The following HSPA12A variants were observed in gnomAD, a reference collection of about 807,000 sequenced individuals.
The protein encoded by HSPA12A is heat shock 70 kDa protein 12A.
In HSPA12A, 28 loss-of-function variants were observed where a neutral mutation model predicts 69.2. That is an observed-to-expected ratio of 0.40 (90% CI 0.30 to 0.55). The LOEUF (loss-of-function observed/expected upper bound fraction) is 0.55, where lower values mean the gene tolerates loss of function less well. Among genes scored for constraint, HSPA12A ranks in the 20% least tolerant of loss-of-function variants. The pLI, the probability that HSPA12A is intolerant of heterozygous loss-of-function variation, is 0.38. For synonymous variants in HSPA12A, 345 were observed against 370.5 expected (o/e 0.93, Z 0.79); for missense variants, 686 against 900.7 (o/e 0.76, Z 3.05).
chr10:116,751,049 TGAGAGG>T (rs1554888304), intron 2 of HSPA12A: 1 of 142,740 alleles, frequency 7.0e-6, no homozygotes, highest in African/African-American at 2.7e-5. Flanking sequence ...AGAAGAAAAA[TGAGAGG>T]AAGAGGAAGA....
chr10:116,807,189 G>A lies in HSPA12A; in HGVS notation c.91+27746C>T, dbSNP rs535357863. 4.3e-4 allele frequency among the ~76,000 whole-genome samples: 66 copies of A among 152,106 alleles called. 1 individual carries two copies. In the South Asian group the frequency reaches 0.012, roughly 27 times the overall value. On this transcript the variant is annotated intron_variant, in intron 2 of 12. Coordinates refer to the HSPA12A transcript ENST00000635765. ...ACAACCAGGGGCTCTTTGACTTCTCGGTGGGCTCAGCCAGTGCAGGGCCTA... is the reference window on the plus strand; with the variant it reads ...ACAACCAGGGGCTCTTTGACTTCTCAGTGGGCTCAGCCAGTGCAGGGCCTA...
At chr10:116,728,536 G>T (rs1157152359) in intron 1 of HSPA12A, among the ~76,000 whole-genome samples, 1 of 152,310 alleles carries the variant, frequency 6.6e-6, no homozygotes, top group East Asian at 1.9e-4. Context: ...ACGAATGTAG[G>T]CTTCAAGCAT....
intron 6 of HSPA12A, among the ~76,000 whole-genome samples, chr10:116,692,109 G>A (rs1053332490): frequency 1.3e-5 from 2 of 152,210 alleles, no homozygotes; most frequent in African/African-American, 2.4e-5. Flanking sequence ...AATGTAGAAA[G>A]CCAGGAAGGA....
rs1313143830 is a variant in HSPA12A at position 116,672,504 on chromosome 10, CTCTG to C, written c.*2273_*2276del. ...TTCAGTGTGTTTGGACCCTAGGCACCTCTGTCTATTGCTCGGTCTTGCGTACATA... is the reference window on the plus strand; with the variant it reads ...TTCAGTGTGTTTGGACCCTAGGCACCTCTATTGCTCGGTCTTGCGTACATA... On this transcript the variant is annotated 3_prime_UTR_variant, in exon 12 of 12. Coordinates refer to ENST00000369209, the MANE Select transcript of HSPA12A (RefSeq NM_025015.3). 1.3e-5 allele frequency: 2 copies of C among 152,282 alleles called. No homozygotes were observed. Among genetic ancestry groups the C allele is most frequent in the Non-Finnish European group, 2.9e-5 (2 of 68,052 alleles). 9.4% of individuals were successfully genotyped at this position (152,282 alleles called of 1,614,324 possible). A position where few individuals can be genotyped will look rare whatever the true frequency, so the allele number is the denominator to read the frequency against.
At chr10:116,745,222 G>A (rs1638413), upstream of HSPA12A, among the ~76,000 whole-genome samples, 55,314 of 152,136 alleles carry the variant, frequency 0.36, 10,267 homozygotes, top group Middle Eastern at 0.47. Flanking sequence ...CCTGGTACAT[G>A]GCAGGCACTT....
At chr10:116,757,254 G>T (rs1450692569) in intron 2 of HSPA12A, among the ~76,000 whole-genome samples, 1 of 152,184 alleles carries the variant, frequency 6.6e-6, no homozygotes, top group Non-Finnish European at 1.5e-5. Flanking sequence ...GAATTGGCAC[G>T]TTAGTGTTAC....
chr10:116,690,616 C>T (rs972694151), intron 6 of HSPA12A, among the ~76,000 whole-genome samples: 1 of 152,132 alleles, frequency 6.6e-6, no homozygotes, highest in Non-Finnish European at 1.5e-5. Context: ...CACATCTGTC[C>T]TCACCCAAGA....
intron 1 of HSPA12A, among the ~76,000 whole-genome samples, chr10:116,741,396 TGCGTCCCG>T (rs1851500368): frequency 6.6e-6 from 1 of 152,262 alleles, no homozygotes. Flanking sequence ...GAATCTCCCT[TGCGTCCCG>T]GCATTTTAAT....
intron 2 of HSPA12A, chr10:116,833,067 G>C (rs929110918): frequency 6.6e-6 from 1 of 152,186 alleles, no homozygotes; most frequent in Middle Eastern, 3.2e-3. Context: ...GATTGGGTCT[G>C]AGATTTTCAT....
At chr10:116,835,161 C>T in intron 1 of HSPA12A, 1 of 395,120 alleles carries the variant, frequency 2.5e-6, no homozygotes, top group Non-Finnish European at 4.2e-6. Flanking sequence ...TAGGTGGGCG[C>T]AGAGGAGCTG....
At position 116,808,649 on chromosome 10, in the gene HSPA12A, C is replaced by G. The variant is rs1845115285; in HGVS notation, c.91+26286G>C. Among the ~76,000 whole-genome samples, 2 of 152,166 alleles carry G rather than the reference C, an allele frequency of 1.3e-5. 1 individual carries two copies. Among genetic ancestry groups the G allele is most frequent in the South Asian group, 4.1e-4 (2 of 4,822 alleles). On this transcript the variant is annotated intron_variant, in intron 2 of 12. Transcript: ENST00000635765. ...AGCTTAATAATGCCCAGCGTGCATC[C>G]TGTTCCCCACAATGGTCTGGCGTAA...
At chr10:116,806,134 G>C (rs1845062763) in intron 2 of HSPA12A, among the ~76,000 whole-genome samples, 1 of 152,200 alleles carries the variant, frequency 6.6e-6, no homozygotes, top group Non-Finnish European at 1.5e-5. Flanking sequence ...AGTTACCAGA[G>C]AGATGGCCAT....
At chr10:116,728,951 T>A (rs1851065130) in intron 1 of HSPA12A, among the ~76,000 whole-genome samples, 1 of 152,080 alleles carries the variant, frequency 6.6e-6, no homozygotes, top group African/African-American at 2.4e-5. Flanking sequence ...TGCCAGGCAA[T>A]AAGCCTCCCG....
chr10:116,789,721 C>T (rs1468272984), intron 2 of HSPA12A, among the ~76,000 whole-genome samples: 12 of 152,154 alleles, frequency 7.9e-5, no homozygotes, highest in African/African-American at 1.2e-4. Flanking sequence ...ACTATCAACA[C>T]GTCGTAGAGT....
At chr10:116,725,934 A>G (rs1364482900) in intron 1 of HSPA12A, among the ~76,000 whole-genome samples, 2 of 152,026 alleles carry the variant, frequency 1.3e-5, no homozygotes, top group Non-Finnish European at 2.9e-5. Flanking sequence ...CTACCGGCAT[A>G]GGACTCCGTT....
intron 1 of HSPA12A, among the ~76,000 whole-genome samples, chr10:116,845,198 C>G (rs1387555692): frequency 6.6e-6 from 1 of 152,068 alleles, no homozygotes; most frequent in Non-Finnish European, 1.5e-5. Context: ...CATGAAATTT[C>G]CATGAATAAA....
chr10:116,695,780 C>T (rs2132949869), intron 5 of HSPA12A, among the ~76,000 whole-genome samples: 1 of 151,488 alleles, frequency 6.6e-6, no homozygotes, highest in Non-Finnish European at 1.5e-5. Context: ...CACGCCACTG[C>T]ACTCCAGCCT....
intron 2 of HSPA12A, among the ~76,000 whole-genome samples, chr10:116,759,638 T>C (rs1843928036): frequency 6.6e-6 from 1 of 152,204 alleles, no homozygotes; most frequent in Non-Finnish European, 1.5e-5. Context: ...TGACAGTGGC[T>C]TTGACAGCAT....
Position 116,788,867 on chromosome 10 carries a change from T to A in HSPA12A, c.91+46068A>T, listed in dbSNP as rs912518798. Among the ~76,000 whole-genome samples, 35 of 32,196 alleles carry A rather than the reference T, an allele frequency of 1.1e-3. No individual in the cohort carries two copies. In the Middle Eastern group the frequency reaches 0.054, roughly 49 times the overall value. The allele number at this position is 32,196 out of a possible 152,430, so 21.1% of individuals were successfully genotyped here. A position where few individuals can be genotyped will look rare whatever the true frequency, so the allele number is the denominator to read the frequency against. On this transcript the variant is annotated intron_variant, in intron 2 of 12. Transcript: ENST00000635765. ...CATCTGGTAGAATTCTACGCAGCTA[T>A]TTTTTTTTTTTTTTTTGAGACAGAG...
Sources: allele counts gnomAD v4.1 joint callset (sites outside exome capture counted in the v4.1 genomes callset), GRCh38; gene constraint gnomAD v4.1.1; transcripts MANE v1.5; gene names NCBI Gene and HGNC (gene_info 2026-07-23, HGNC 2026-07-21).